Variants in C7 observed in about 807,000 individuals in gnomAD.
The protein encoded by C7 is complement component C7.
C7 carries 83 observed loss-of-function variants against 104.8 expected under a neutral mutation model. The ratio of observed to expected loss-of-function variants is 0.79; its 90% CI spans 0.66 to 0.95. The LOEUF (loss-of-function observed/expected upper bound fraction) is 0.95. Among genes scored for constraint, C7 ranks in the 40% least tolerant of loss-of-function variants. The probability of loss-of-function intolerance (pLI) is 0.00; values close to 1 mark genes in which losing one functional copy is unlikely to be tolerated. For synonymous variants in C7, 415 were observed against 360.6 expected (o/e 1.15, Z -1.71); for missense variants, 1,070 against 1,011.2 (o/e 1.06, Z -0.79).
At chr5:40,915,066 T>A (rs1273411884) in intron 1 of C7, among the ~76,000 whole-genome samples, 1 of 151,884 alleles carries the variant, frequency 6.6e-6, no homozygotes, top group African/African-American at 2.4e-5. Flanking sequence ...CAGGCATGGG[T>A]GAGAATCGAA....
intron 1 of C7, among the ~76,000 whole-genome samples, chr5:40,921,605 CA>C (rs11353988): frequency 0.49 from 72,474 of 147,608 alleles, 18,480 homozygotes; most frequent in African/African-American, 0.69. Context: ...GTAGTTTATA[CA>C]AAAAAAAAAA....
Position 40,947,679 on chromosome 5 carries a change from T to C in C7, c.816T>C (p.Leu272=). 1 of 1,613,722 alleles carries C rather than the reference T, an allele frequency of 6.2e-7. No individual in the cohort carries two copies. The highest frequency in any genetic ancestry group is 1.3e-5 in the African/African-American group (1 of 75,018). Residue 272 remains leucine (L), a synonymous_variant, in exon 8 of 18, where the codon CTT becomes CTC. Transcript: ENST00000313164. ...FINNNPEFLQ[L]AEPFWKELSH... ...ATAACAATCCAGAATTTTTACAACT[T>C]GCTGAGCCATTCTGGAAGGAGCTTT...
chr5:40,918,211 T>G (rs769927025), intron 1 of C7, among the ~76,000 whole-genome samples: 3 of 151,752 alleles, frequency 2.0e-5, no homozygotes, highest in Non-Finnish European at 4.4e-5. Context: ...CAAAAAAAAT[T>G]AGCTGGATGT....
intron 8 of C7, among the ~76,000 whole-genome samples, chr5:40,948,502 C>T (rs1740097891): frequency 6.6e-6 from 1 of 152,212 alleles, no homozygotes; most frequent in Admixed American, 6.6e-5. Flanking sequence ...TCTAACTGGC[C>T]TCAAAGTCAG....
chr5:40,979,842 C>T lies in C7; in HGVS notation c.2283C>T (p.Asp761=). The stretch of plus-strand genomic sequence containing the variant: ...GAAATTACACCCTTACTGGTAGGGA[C>T]AGCTGTACTCTGCCTGCCTCAGCTG... ...QGRNYTLTGR[D]SCTLPASAEK... Residue 761 remains aspartate (D), a synonymous_variant, in exon 17 of 18, where the codon GAC becomes GAT. Transcript: ENST00000313164. 3 of 1,612,124 alleles carry T rather than the reference C, an allele frequency of 1.9e-6. No individual in the cohort carries two copies. The highest frequency in any genetic ancestry group is 1.7e-6 in the Non-Finnish European group (2 of 1,178,936).
intron 6 of C7, among the ~76,000 whole-genome samples, chr5:40,944,467 C>T (rs554972031): frequency 6.6e-6 from 1 of 152,288 alleles, no homozygotes; most frequent in South Asian, 2.1e-4. Flanking sequence ...TACGTGTTCA[C>T]TTTTTCATCA....
intron 6 of C7, among the ~76,000 whole-genome samples, chr5:40,939,905 T>C (rs977139264): frequency 6.6e-6 from 1 of 152,206 alleles, no homozygotes; most frequent in African/African-American, 2.4e-5. Flanking sequence ...TGAAATGCCT[T>C]CCCCATCACT....
rs374690288 is a variant in C7 at position 40,962,078 on chromosome 5, C to A, written c.1662-7C>A. ...AATCACATTAATTACATTTTTTTTC[C>A]TTCCAGGTTGCTTGAACCACATTGC... On this transcript the variant is annotated splice_polypyrimidine_tract_variant and splice_region_variant and intron_variant, in intron 12 of 17. Transcript: ENST00000313164. The A allele has an allele frequency of 1.1e-5, 16 of 1,475,986 alleles. No homozygotes were observed. The African/African-American group carries it at 2.0e-4, about 18-fold the overall frequency. The allele number at this position is 1,475,986 out of a possible 1,614,324, so 91.4% of individuals were successfully genotyped here. A position where few individuals can be genotyped will look rare whatever the true frequency, so the allele number is the denominator to read the frequency against.
At chr5:40,962,302 A>T (rs762194178) in intron 13 of C7, 130 bp downstream of exon 13, 3 of 517,702 alleles carry the variant, frequency 5.8e-6, no homozygotes, top group Non-Finnish European at 6.7e-6. Context: ...TTTTAGTTTT[A>T]GTGGTGAGGG....
intron 13 of C7, among the ~76,000 whole-genome samples, chr5:40,964,137 G>A (rs1205105395): frequency 7.1e-6 from 1 of 141,240 alleles, no homozygotes; most frequent in African/African-American, 2.6e-5. Flanking sequence ...CCGTCCCCCA[G>A]GTTCAGGTGA....
chr5:40,952,090 G>A (rs958900528), intron 9 of C7, among the ~76,000 whole-genome samples: 1 of 152,244 alleles, frequency 6.6e-6, no homozygotes, highest in African/African-American at 2.4e-5. Flanking sequence ...TCAGTCTTCA[G>A]TTGGGCTGGC....
In C7 at chr5:40,941,040, C is replaced by T. The variant is rs78054475; in HGVS notation, c.567+3350C>T. Among the ~76,000 whole-genome samples, 372 of 149,472 alleles carry T rather than the reference C, an allele frequency of 2.5e-3. 1 individual carries two copies. The highest frequency in any genetic ancestry group is 3.9e-3 in the Non-Finnish European group (266 of 67,574). ...GGGAGAGAGAGAGAAAATGAAAAAA[C>T]AAGAGTGCAAGAGGAACACTTCTTT... On this transcript the variant is annotated intron_variant, in intron 6 of 17. Coordinates refer to ENST00000313164, the MANE Select transcript of C7 (RefSeq NM_000587.4).
At chr5:40,981,352 C>T (rs1321478497) in intron 17 of C7, 40 bp from the exon 18 acceptor site, 1 of 1,579,210 alleles carries the variant, frequency 6.3e-7, no homozygotes, top group Admixed American at 1.8e-5. Context: ...TCCCCGACCT[C>T]CACAATGTAC....
chr5:40,932,210 A>C (rs955180473), intron 3 of C7, among the ~76,000 whole-genome samples: 1 of 152,214 alleles, frequency 6.6e-6, no homozygotes. Flanking sequence ...ACATTATACT[A>C]TCAGCAAAAT....
chr5:40,959,509 AAAC>A lies in C7; in HGVS notation c.1553_1555del (p.Thr518del). ...TGGAGCCCCTGTGTCCAAGGGAAGA[AAAC>A]AAGAAGCCGTGAATGCAATAACCCA... On this transcript the variant is annotated inframe_deletion, in exon 12 of 18. Coordinates refer to ENST00000313164, the MANE Select transcript of C7 (RefSeq NM_000587.4). 1 of 1,611,748 alleles carries A rather than the reference AAAC, an allele frequency of 6.2e-7. No individual in the cohort carries two copies. Among genetic ancestry groups the A allele is most frequent in the Non-Finnish European group, 8.5e-7 (1 of 1,179,378 alleles).
intron 17 of C7, among the ~76,000 whole-genome samples, chr5:40,980,594 T>G (rs140101371): frequency 6.6e-6 from 1 of 152,366 alleles, no homozygotes; most frequent in Non-Finnish European, 1.5e-5. Flanking sequence ...CTCCCATGAT[T>G]TGGGCAGTAC....
rs867663635 is a variant in C7, at chr5:40,979,730, C to T, written c.2171C>T (p.Ser724Phe). 6.2e-7 allele frequency: 1 copy of T among 1,609,302 alleles called. No individual in the cohort carries two copies. Among genetic ancestry groups the T allele is most frequent in the South Asian group, 1.1e-5 (1 of 90,064 alleles). ...TCATTAAAAATTCTTTTCAGACCTT[C>T]CTTGGATGTATGTGCTCAAGATGAG... ...VCKMPYECGP[S>F]LDVCAQDERS... The change falls in exon 17 of 18, where the codon TCC (serine) becomes TTC (phenylalanine). Residue 724 changes from serine to phenylalanine, a missense_variant. By Grantham distance (155) the Ser-to-Phe change is radical (BLOSUM62 -2). Transcript: ENST00000313164.
At chr5:40,974,447 G>C (rs148701741) in intron 15 of C7, among the ~76,000 whole-genome samples, 1 of 140,912 alleles carries the variant, frequency 7.1e-6, no homozygotes, top group African/African-American at 2.7e-5. Context: ...ATGCAGTCTC[G>C]TTCTGTCACC....
At chr5:40,931,718 A>G (rs1561241411) in intron 3 of C7, among the ~76,000 whole-genome samples, 2 of 152,236 alleles carry the variant, frequency 1.3e-5, no homozygotes, top group Non-Finnish European at 1.5e-5. Flanking sequence ...GAGAGAATAC[A>G]GAAAGTTATG....
Sources: allele counts gnomAD v4.1 joint callset (sites outside exome capture counted in the v4.1 genomes callset), GRCh38; gene constraint gnomAD v4.1.1; transcripts MANE v1.5; gene names NCBI Gene and HGNC (gene_info 2026-07-23, HGNC 2026-07-21).